OR9Q1: variants seen among roughly 807,000 people sequenced by gnomAD.
OR9Q1 encodes the protein olfactory receptor family 9 subfamily Q member 1.
For missense variants in OR9Q1, 374 were observed against 378.8 expected, an observed-to-expected ratio of 0.99 and a Z score of 0.11; for synonymous variants, 153 against 148.6, an observed-to-expected ratio of 1.03 and a Z score of -0.22.
intron 2 of OR9Q1, among the ~76,000 whole-genome samples, chr11:58,106,030 A>T (rs1033243041): frequency 6.6e-6 from 1 of 152,068 alleles, no homozygotes; most frequent in African/African-American, 2.4e-5. Context: ...TAATTTTTTG[A>T]GGAAACTCTC....
chr11:58,112,617 C>A (rs1303590987), intron 2 of OR9Q1, among the ~76,000 whole-genome samples: 1 of 152,132 alleles, frequency 6.6e-6, no homozygotes, highest in Non-Finnish European at 1.5e-5. Flanking sequence ...TAGAGGGATG[C>A]ATTCATCTGT....
chr11:58,061,324 C>G (rs934706329), intron 2 of OR9Q1, among the ~76,000 whole-genome samples: 2 of 149,794 alleles, frequency 1.3e-5, no homozygotes. Flanking sequence ...TCCTTCCAGG[C>G]TTGCATTGTA....
At chr11:58,109,083 T>A (rs1338910305) in intron 2 of OR9Q1, 1 of 480,626 alleles carries the variant, frequency 2.1e-6, no homozygotes, top group South Asian at 1.5e-5. Context: ...TCTCAGTTTG[T>A]GTCATGCTGC....
intron 1 of OR9Q1, among the ~76,000 whole-genome samples, chr11:58,045,817 G>A (rs1016383503): frequency 1.2e-4 from 18 of 152,160 alleles, no homozygotes; most frequent in African/African-American, 3.4e-4. Context: ...CCACTCTAGG[G>A]TTCCTTGAGT....
chr11:58,119,398 C>A (rs760473770), intron 2 of OR9Q1: 1 of 1,613,280 alleles, frequency 6.2e-7, no homozygotes, highest in Non-Finnish European at 8.5e-7. Flanking sequence ...GTCCATAAAG[C>A]CCATGAGAAT....
chr11:58,177,601 A>C (rs1477123568), intron 2 of OR9Q1, among the ~76,000 whole-genome samples: 1 of 152,236 alleles, frequency 6.6e-6, no homozygotes, highest in African/African-American at 2.4e-5. Flanking sequence ...CTTTCTGCTA[A>C]GTAAGCACAT....
At chr11:58,161,510 T>C (rs979297640) in intron 2 of OR9Q1, among the ~76,000 whole-genome samples, 91 of 151,856 alleles carry the variant, frequency 6.0e-4, no homozygotes, top group African/African-American at 2.1e-3. Context: ...ATCCTTATAA[T>C]AAATTTCCTT....
intron 2 of OR9Q1, among the ~76,000 whole-genome samples, chr11:58,115,455 A>T (rs991572624): frequency 2.0e-5 from 3 of 152,212 alleles, no homozygotes; most frequent in African/African-American, 7.2e-5. Flanking sequence ...TAGTTCTACA[A>T]TGCATACATA....
chr11:58,107,094 A>G (rs1476571069), intron 2 of OR9Q1, among the ~76,000 whole-genome samples: 23 of 151,300 alleles, frequency 1.5e-4, no homozygotes, highest in Non-Finnish European at 3.2e-4. Context: ...TTTTCCAATT[A>G]ATGAATGTGG....
At chr11:58,105,736 G>A (rs1853833667) in intron 2 of OR9Q1, among the ~76,000 whole-genome samples, 1 of 151,978 alleles carries the variant, frequency 6.6e-6, no homozygotes, top group Non-Finnish European at 1.5e-5. Context: ...AGTATTTTCT[G>A]TCTGTGACTT....
At position 58,023,918 on chromosome 11, in the gene OR9Q1, G is replaced by A. The variant is rs1852944474; in HGVS notation, c.-279G>A. ...GCAGGGAATTGAAGAAGTGCAGGAG[G>A]ATGCCACACAGAGATGGTAGAGGGA... On this transcript the variant is annotated 5_prime_UTR_variant, in exon 1 of 3. Coordinates refer to ENST00000335397, the MANE Select transcript of OR9Q1 (RefSeq NM_001005212.4). 6.6e-6 allele frequency: 1 copy of A among 152,188 alleles called. No homozygotes were observed. Among genetic ancestry groups the A allele is most frequent in the African/African-American group, 2.4e-5 (1 of 41,418 alleles). The allele number at this position is 152,188 out of a possible 1,614,324, so 9.4% of individuals were successfully genotyped here.
At chr11:58,048,546 A>G (rs924327093) in intron 1 of OR9Q1, among the ~76,000 whole-genome samples, 1 of 151,342 alleles carries the variant, frequency 6.6e-6, no homozygotes, top group Admixed American at 6.6e-5. Context: ...CTGTAGCCCC[A>G]GCTACTTGGG....
intron 2 of OR9Q1, among the ~76,000 whole-genome samples, chr11:58,100,272 T>C (rs1853771096): frequency 6.6e-6 from 1 of 152,222 alleles, no homozygotes; most frequent in Non-Finnish European, 1.5e-5. Context: ...CTATTTTTTG[T>C]TCATCCCATA....
At chr11:58,110,253 A>C (rs1248263075) in intron 2 of OR9Q1, among the ~76,000 whole-genome samples, 1 of 152,184 alleles carries the variant, frequency 6.6e-6, no homozygotes, top group Non-Finnish European at 1.5e-5. Context: ...TGTGTTGGGT[A>C]AAACCAACTC....
intron 2 of OR9Q1, chr11:58,060,064 A>C (rs956895750): frequency 1.3e-5 from 2 of 152,320 alleles, no homozygotes; most frequent in African/African-American, 4.8e-5. Flanking sequence ...GGTAGGGGGA[A>C]AGTGAGGTTG....
At chr11:58,175,613 A>C (rs951193948) in intron 2 of OR9Q1, among the ~76,000 whole-genome samples, 4 of 152,182 alleles carry the variant, frequency 2.6e-5, no homozygotes, top group Admixed American at 6.5e-5. Context: ...GTTATCTTAT[A>C]GAATGGATAA....
At chr11:58,062,298 C>A (rs1853387323) in intron 2 of OR9Q1, among the ~76,000 whole-genome samples, 1 of 152,174 alleles carries the variant, frequency 6.6e-6, no homozygotes, top group Non-Finnish European at 1.5e-5. Flanking sequence ...TTTAGCTCGG[C>A]TGAGACATCC....
At chr11:58,166,356 G>A (rs1230765522) in intron 2 of OR9Q1, among the ~76,000 whole-genome samples, 6 of 151,972 alleles carry the variant, frequency 3.9e-5, no homozygotes, top group Admixed American at 1.3e-4. Flanking sequence ...TATTAGTTTC[G>A]TATGAAACTT....
intron 2 of OR9Q1, among the ~76,000 whole-genome samples, chr11:58,162,595 A>G (rs889828737): frequency 4.6e-5 from 7 of 152,210 alleles, no homozygotes; most frequent in Non-Finnish European, 8.8e-5. Context: ...AGTGAGAACA[A>G]TGTTCACTAC....
Sources: allele counts gnomAD v4.1 joint callset (sites outside exome capture counted in the v4.1 genomes callset), GRCh38; gene constraint gnomAD v4.1.1; transcripts MANE v1.5; gene names NCBI Gene and HGNC (gene_info 2026-07-23, HGNC 2026-07-21).